TMEM116: variants seen among roughly 807,000 people sequenced by gnomAD.
TMEM116 encodes the protein transmembrane protein 116.
Under a neutral mutation model 44.3 loss-of-function variants are expected in TMEM116, and 38 were observed. The observed-to-expected ratio is 0.86, with a 90% CI of 0.66 to 1.12. TMEM116 has a LOEUF of 1.12. Ranked by LOEUF, TMEM116 falls within the 50% of genes most tolerant of loss-of-function variation. TMEM116 has a pLI of 0.00. For synonymous variants in TMEM116, 132 were observed against 144.8 expected (o/e 0.91, Z 0.64); for missense variants, 354 against 401.7 (o/e 0.88, Z 1.01).
At chr12:111,994,194 G>C (rs2076792305) in intron 3 of TMEM116, among the ~76,000 whole-genome samples, 1 of 151,988 alleles carries the variant, frequency 6.6e-6, no homozygotes, top group Non-Finnish European at 1.5e-5. Context: ...TTTCACTTAA[G>C]TCAAGAGTTT....
intron 8 of TMEM116, chr12:111,934,427 G>C (rs928596386): frequency 6.4e-6 from 1 of 155,810 alleles, no homozygotes; most frequent in Non-Finnish European, 1.4e-5. Context: ...CAGCACCATG[G>C]CTGAGCTTAA....
intron 3 of TMEM116, chr12:112,003,541 C>G (rs999981559): frequency 1.3e-5 from 4 of 300,360 alleles, no homozygotes; most frequent in Non-Finnish European, 2.4e-5. Context: ...GCACTCCAGC[C>G]TGGGTGACAG....
intron 3 of TMEM116, among the ~76,000 whole-genome samples, chr12:112,001,984 C>G (rs778841750): frequency 3.3e-5 from 5 of 152,146 alleles, no homozygotes; most frequent in African/African-American, 7.2e-5. Flanking sequence ...TTAGGAAAGT[C>G]CCCTAACCTT....
At chr12:111,987,088 T>G (rs1593547067) in intron 4 of TMEM116, among the ~76,000 whole-genome samples, 1 of 152,116 alleles carries the variant, frequency 6.6e-6, no homozygotes, top group African/African-American at 2.4e-5. Flanking sequence ...AGGACACAAT[T>G]AACAGAATAA....
At chr12:111,987,012 T>A (rs2076264580) in intron 4 of TMEM116, among the ~76,000 whole-genome samples, 1 of 151,824 alleles carries the variant, frequency 6.6e-6, no homozygotes, top group Non-Finnish European at 1.5e-5. Context: ...GGGTAAGACA[T>A]CAAAAACACA....
chr12:112,006,416 C>G (rs2077588706), intron 1 of TMEM116, among the ~76,000 whole-genome samples: 2 of 152,120 alleles, frequency 1.3e-5, no homozygotes, highest in African/African-American at 4.8e-5. Context: ...AAAATTTGCC[C>G]TTGTTTAGAG....
intron 4 of TMEM116, among the ~76,000 whole-genome samples, chr12:111,980,127 CTAA>C (rs1314387949): frequency 6.6e-6 from 1 of 152,186 alleles, no homozygotes; most frequent in Non-Finnish European, 1.5e-5. Flanking sequence ...AACCTGCATA[CTAA>C]TGTTTATAGA....
At chr12:111,992,269 C>CTT (rs534630152) in intron 3 of TMEM116, among the ~76,000 whole-genome samples, 7 of 139,326 alleles carry the variant, frequency 5.0e-5, no homozygotes, top group Middle Eastern at 3.3e-3. Flanking sequence ...ACATCTTCTA[C>CTT]TTTTTTTTTT....
At chr12:111,937,065 G>T in intron 7 of TMEM116, 95 bp downstream of exon 7, 2 of 1,221,892 alleles carry the variant, frequency 1.6e-6, no homozygotes, top group Non-Finnish European at 2.4e-6. Context: ...TTAGCACTTT[G>T]GTCAGAATTA....
At chr12:112,007,232 T>C (rs950616871) in intron 1 of TMEM116, among the ~76,000 whole-genome samples, 2 of 152,092 alleles carry the variant, frequency 1.3e-5, no homozygotes, top group Non-Finnish European at 2.9e-5. Context: ...CTGGCCAACA[T>C]GGCAAAACCT....
rs1027704557 is a variant in TMEM116, at chr12:112,005,530, T to A, written c.-33-227A>T. On this transcript the variant is annotated intron_variant, in intron 1 of 10. Transcript: ENST00000552374. ...TTCACTGGGAAATAGTATGATTTTT[T>A]AAAAAATAGAGATGTGGATTGAAAA... 5.4e-4 allele frequency: 258 copies of A among 477,316 alleles called. 1 individual carries two copies. The highest frequency in any genetic ancestry group is 5.3e-4 in the Non-Finnish European group (173 of 327,970). The allele number at this position is 477,316 out of a possible 1,614,324, so 29.6% of individuals were successfully genotyped here.
intron 9 of TMEM116, 137 bp from the exon 10 acceptor site, chr12:111,932,796 G>T: frequency 1.5e-6 from 1 of 688,010 alleles, no homozygotes; most frequent in Non-Finnish European, 2.6e-6. Flanking sequence ...AACTTGTTAT[G>T]CAAACCAATG....
At chr12:111,942,783 GGTGT>G (rs766823494) in intron 5 of TMEM116, among the ~76,000 whole-genome samples, 1 of 136,146 alleles carries the variant, frequency 7.3e-6, no homozygotes, top group African/African-American at 2.8e-5. Context: ...TGTGTGTGTG[GGTGT>G]GTGTGTGGGT....
chr12:112,008,834 G>T (rs2077705883), intron 1 of TMEM116, among the ~76,000 whole-genome samples: 1 of 152,000 alleles, frequency 6.6e-6, no homozygotes, highest in African/African-American at 2.4e-5. Context: ...ACATAGCCAG[G>T]CATGGTGGTG....
intron 4 of TMEM116, among the ~76,000 whole-genome samples, chr12:111,962,542 C>A (rs571899907): frequency 6.6e-6 from 1 of 152,272 alleles, no homozygotes; most frequent in South Asian, 2.1e-4. Flanking sequence ...TTTGACAAAC[C>A]TGACAAAAAC....
intron 4 of TMEM116, among the ~76,000 whole-genome samples, chr12:111,959,702 C>T (rs1354429924): frequency 1.3e-5 from 2 of 152,154 alleles, no homozygotes; most frequent in Non-Finnish European, 2.9e-5. Flanking sequence ...GGTTGCAATC[C>T]TAGTCTCTGA....
chr12:111,949,335 T>C (rs897509652), intron 4 of TMEM116, among the ~76,000 whole-genome samples: 2 of 152,180 alleles, frequency 1.3e-5, no homozygotes, highest in Non-Finnish European at 2.9e-5. Flanking sequence ...TCAATAAAAA[T>C]ATGCTATTTT....
At chr12:111,942,522 T>C (rs1028923255) in intron 5 of TMEM116, among the ~76,000 whole-genome samples, 1 of 152,122 alleles carries the variant, frequency 6.6e-6, no homozygotes, top group African/African-American at 2.4e-5. Flanking sequence ...TCTGCCCGCC[T>C]TGGCCTCCCT....
At chr12:111,980,416 G>A (rs2075875170) in intron 4 of TMEM116, among the ~76,000 whole-genome samples, 1 of 151,484 alleles carries the variant, frequency 6.6e-6, no homozygotes, top group South Asian at 2.1e-4. Context: ...GAAAGGAAGA[G>A]TGTGCGAAAG....
Sources: allele counts gnomAD v4.1 joint callset (sites outside exome capture counted in the v4.1 genomes callset), GRCh38; gene constraint gnomAD v4.1.1; transcripts MANE v1.5; gene names NCBI Gene and HGNC (gene_info 2026-07-23, HGNC 2026-07-21).